Variants in PALLD observed in about 807,000 individuals in gnomAD.
PALLD encodes the protein palladin, cytoskeletal associated protein.
In PALLD, 61 loss-of-function variants were observed where a neutral mutation model predicts 123.5. That is an observed-to-expected ratio of 0.49 (90% CI 0.40 to 0.61). PALLD has a LOEUF of 0.61. Among genes scored for constraint, PALLD ranks in the 20% least tolerant of loss-of-function variants. The pLI, the probability that PALLD is intolerant of heterozygous loss-of-function variation, is 0.00. For missense variants in PALLD, 1,273 were observed against 1,377.0 expected (o/e 0.92, Z 1.20); for synonymous variants, 465 against 496.4 (o/e 0.94, Z 0.84).
chr4:168,886,984 G>C (rs1674948591), intron 10 of PALLD, among the ~76,000 whole-genome samples: 1 of 151,956 alleles, frequency 6.6e-6, no homozygotes, highest in African/African-American at 2.4e-5. Flanking sequence ...AGGCGTGGTG[G>C]CTCATGCCTG....
At chr4:168,822,355 A>G (rs1742850539) in intron 10 of PALLD, among the ~76,000 whole-genome samples, 1 of 152,054 alleles carries the variant, frequency 6.6e-6, no homozygotes, top group African/African-American at 2.4e-5. Flanking sequence ...TGAAAAGGAA[A>G]TCTGTAGGCA....
At chr4:168,621,667 T>C (rs573788250) in intron 2 of PALLD, among the ~76,000 whole-genome samples, 12 of 152,350 alleles carry the variant, frequency 7.9e-5, no homozygotes, top group African/African-American at 2.9e-4. Context: ...CTCAAATGTA[T>C]ATAAATCCCG....
At chr4:168,618,568 CT>C (rs1344522657) in intron 2 of PALLD, among the ~76,000 whole-genome samples, 1 of 140,816 alleles carries the variant, frequency 7.1e-6, no homozygotes, top group African/African-American at 2.5e-5. Context: ...TATTTAACCC[CT>C]TTCATTGTAC....
chr4:168,628,296 C>T (rs1294934020), intron 2 of PALLD, among the ~76,000 whole-genome samples: 1 of 152,204 alleles, frequency 6.6e-6, no homozygotes, highest in South Asian at 2.1e-4. Context: ...GGTTACTCTG[C>T]ACTGATATGC....
intron 10 of PALLD, among the ~76,000 whole-genome samples, chr4:168,733,880 G>T (rs1330896988): frequency 6.6e-6 from 1 of 152,062 alleles, no homozygotes; most frequent in African/African-American, 2.4e-5. Flanking sequence ...GACTACAGGC[G>T]CCCGCCACCG....
chr4:168,809,202 A>G (rs538466563), intron 10 of PALLD, among the ~76,000 whole-genome samples: 108 of 152,300 alleles, frequency 7.1e-4, no homozygotes, highest in Non-Finnish European at 1.3e-3. Flanking sequence ...TCATGAGGCC[A>G]TGAAAACTGA....
chr4:168,709,068 AGATGCAGG>A lies in PALLD; in HGVS notation c.1546_1553del (p.Ala516LeufsTer8). On this transcript the variant is annotated frameshift_variant, in exon 9 of 22. Coordinates refer to ENST00000505667, the MANE Select transcript of PALLD (RefSeq NM_001166108.2). LOFTEE classifies it high-confidence loss of function. Reference sequence around the variant, plus strand: ...TAGTTATCGCTGAGACTTTCCCTGAAGATGCAGGGATCTTTACATGTTCAGCAAGAAAT... The same window carrying A: ...TAGTTATCGCTGAGACTTTCCCTGAAGATCTTTACATGTTCAGCAAGAAAT... 2 of 1,613,400 alleles carry A rather than the reference AGATGCAGG, an allele frequency of 1.2e-6. No individual in the cohort carries two copies. The highest frequency in any genetic ancestry group is 1.7e-6 in the Non-Finnish European group (2 of 1,179,340).
At chr4:168,712,124 G>T (rs1784889310) in intron 10 of PALLD, 1 of 616,448 alleles carries the variant, frequency 1.6e-6, no homozygotes. Context: ...GGTGAAATCT[G>T]CCCTTTGCTG....
At chr4:168,608,221 T>C (rs1773380235) in intron 2 of PALLD, among the ~76,000 whole-genome samples, 1 of 152,208 alleles carries the variant, frequency 6.6e-6, no homozygotes, top group South Asian at 2.1e-4. Context: ...TAGGAGCCCA[T>C]TCCTGTGAGT....
At chr4:168,566,412 C>T (rs1768386936) in intron 2 of PALLD, among the ~76,000 whole-genome samples, 1 of 152,160 alleles carries the variant, frequency 6.6e-6, no homozygotes, top group Non-Finnish European at 1.5e-5. Flanking sequence ...ATCCTCCTAC[C>T]TCAGCCTCCT....
intron 10 of PALLD, among the ~76,000 whole-genome samples, chr4:168,754,324 G>A (rs1438151206): frequency 1.3e-5 from 2 of 152,160 alleles, no homozygotes; most frequent in African/African-American, 4.8e-5. Context: ...GATTATATAT[G>A]AGTATACCTT....
At chr4:168,782,661 G>C (rs1481767692) in intron 10 of PALLD, among the ~76,000 whole-genome samples, 2 of 152,034 alleles carry the variant, frequency 1.3e-5, no homozygotes, top group Admixed American at 1.3e-4. Context: ...TGTAATCCCA[G>C]CACTTGGGAG....
intron 10 of PALLD, among the ~76,000 whole-genome samples, chr4:168,743,637 T>C (rs1034771498): frequency 6.6e-6 from 1 of 152,318 alleles, no homozygotes; most frequent in Non-Finnish European, 1.5e-5. Flanking sequence ...TGGTTGGCGA[T>C]GCTCACCCTG....
intron 2 of PALLD, among the ~76,000 whole-genome samples, chr4:168,527,697 A>G (rs1490231888): frequency 6.6e-6 from 1 of 152,112 alleles, no homozygotes; most frequent in Non-Finnish European, 1.5e-5. Context: ...ATCATCTTTC[A>G]TAGACCCTGA....
chr4:168,857,698 G>A lies in PALLD; in HGVS notation c.1965-33224G>A, dbSNP rs1748802007. On this transcript the variant is annotated intron_variant, in intron 10 of 21. Transcript: ENST00000505667. ...AGACATCACTTAAGAGGAAACTCAA[G>A]TGTGTTTCAGGGAGCAGTGGCAGAT... is the stretch of plus-strand genomic sequence containing the variant. 2.0e-5 allele frequency among the ~76,000 whole-genome samples: 3 copies of A among 152,198 alleles called. No individual in the cohort carries two copies. The South Asian group carries it at 6.2e-4, about 32-fold the overall frequency.
intron 10 of PALLD, among the ~76,000 whole-genome samples, chr4:168,739,556 T>C (rs548083851): frequency 6.6e-6 from 1 of 152,314 alleles, no homozygotes; most frequent in Non-Finnish European, 1.5e-5. Flanking sequence ...GAATAGCTAG[T>C]AGACAGGATT....
intron 2 of PALLD, among the ~76,000 whole-genome samples, chr4:168,596,462 T>C (rs73863990): frequency 0.033 from 5,027 of 152,176 alleles, 272 homozygotes; most frequent in African/African-American, 0.11. Flanking sequence ...TGTGTTTCTA[T>C]GTAGGGAACT....
At chr4:168,722,631 G>A (rs188452905) in intron 10 of PALLD, among the ~76,000 whole-genome samples, 188 of 152,322 alleles carry the variant, frequency 1.2e-3, no homozygotes, top group Admixed American at 0.012. Context: ...AAAGGAATGT[G>A]TATATTTCCT....
chr4:168,659,976 G>A (rs1778972466), intron 2 of PALLD, among the ~76,000 whole-genome samples: 1 of 152,212 alleles, frequency 6.6e-6, no homozygotes, highest in Admixed American at 6.5e-5. Context: ...ATACTAGAAA[G>A]TGTATCTTAG....
Sources: allele counts gnomAD v4.1 joint callset (sites outside exome capture counted in the v4.1 genomes callset), GRCh38; gene constraint gnomAD v4.1.1; transcripts MANE v1.5; gene names NCBI Gene and HGNC (gene_info 2026-07-23, HGNC 2026-07-21).